The following PCDH15 variants were observed in gnomAD, a reference collection of about 807,000 sequenced individuals.
The protein encoded by PCDH15 is protocadherin related 15, also known as protocadherin-15.
A neutral mutation model predicts 178.5 loss-of-function variants in PCDH15; 129 were observed. That is an observed-to-expected ratio of 0.72 (90% CI 0.63 to 0.84). PCDH15 has a LOEUF of 0.84. Ranked by LOEUF, PCDH15 falls within the 40% of genes least tolerant of loss-of-function variation. PCDH15 has a pLI of 0.00. For synonymous variants in PCDH15, 800 were observed against 732.0 expected (o/e 1.09, Z -1.50); for missense variants, 2,230 against 2,099.9 (o/e 1.06, Z -1.21).
chr10:54,177,619 T>A (rs181309786), intron 13 of PCDH15, among the ~76,000 whole-genome samples: 167 of 152,172 alleles, frequency 1.1e-3, no homozygotes, highest in Non-Finnish European at 1.8e-3. Flanking sequence ...GATGAAATGA[T>A]GATCTACAAA....
chr10:54,432,527 T>G (rs1957086686), intron 3 of PCDH15, among the ~76,000 whole-genome samples: 1 of 152,142 alleles, frequency 6.6e-6, no homozygotes, highest in South Asian at 2.1e-4. Context: ...GATATCCATA[T>G]GCAGAAGAAT....
At chr10:54,611,091 C>T (rs1340430677) in intron 2 of PCDH15, among the ~76,000 whole-genome samples, 2 of 151,540 alleles carry the variant, frequency 1.3e-5, no homozygotes, top group Non-Finnish European at 3.0e-5. Flanking sequence ...CCACAAAACT[C>T]AAAAGGAAAT....
rs764465670 is a variant in PCDH15 at position 54,164,294 on chromosome 10, ATC to A, written c.1591-11003_1591-11002del. On this transcript the variant is annotated intron_variant, in intron 13 of 37. Transcript: ENST00000644397. The stretch of plus-strand genomic sequence containing the variant: ...TAAAGTGTATTGTGTTAAATATTTC[ATC>A]TCTCTGCCTCAGCTCTATCGTGTGA... Among the ~76,000 whole-genome samples, 163 of 152,316 alleles carry A rather than the reference ATC, an allele frequency of 1.1e-3. 1 individual carries two copies. The highest frequency in any genetic ancestry group is 1.6e-3 in the Admixed American group (25 of 15,282).
chr10:53,865,899 T>C (rs2133146188), intron 27 of PCDH15, among the ~76,000 whole-genome samples: 1 of 152,312 alleles, frequency 6.6e-6, no homozygotes, highest in East Asian at 1.9e-4. Flanking sequence ...CTAATGAATA[T>C]ACTTTGTATT....
intron 6 of PCDH15, among the ~76,000 whole-genome samples, chr10:54,334,392 G>T (rs1197495660): frequency 1.3e-5 from 2 of 152,122 alleles, no homozygotes; most frequent in Non-Finnish European, 2.9e-5. Flanking sequence ...TTCCCAAGAT[G>T]ATTCCATCCC....
intron 2 of PCDH15, among the ~76,000 whole-genome samples, chr10:55,156,952 G>C (rs1467629890): frequency 6.6e-6 from 1 of 152,132 alleles, no homozygotes; most frequent in Non-Finnish European, 1.5e-5. Flanking sequence ...CTGACAGACA[G>C]TAATATCGCT....
At chr10:53,954,495 C>A (rs1291390754) in intron 23 of PCDH15, among the ~76,000 whole-genome samples, 3 of 152,160 alleles carry the variant, frequency 2.0e-5, no homozygotes, top group Non-Finnish European at 4.4e-5. Flanking sequence ...AACTCTGAAC[C>A]ATTTTTGATC....
intron 8 of PCDH15, among the ~76,000 whole-genome samples, chr10:54,312,933 T>TA (rs953187806): frequency 1.3e-5 from 2 of 151,950 alleles, no homozygotes; most frequent in Non-Finnish European, 2.9e-5. Flanking sequence ...GTACATGAAA[T>TA]AAAAAAATAA....
intron 26 of PCDH15, among the ~76,000 whole-genome samples, chr10:53,892,305 G>T (rs565063111): frequency 3.3e-5 from 5 of 152,024 alleles, no homozygotes; most frequent in Non-Finnish European, 7.4e-5. Context: ...GATTACAGGC[G>T]TGAGCCACTG....
At chr10:54,830,735 A>C (rs1279487022) in intron 3 of PCDH15, among the ~76,000 whole-genome samples, 1 of 151,992 alleles carries the variant, frequency 6.6e-6, no homozygotes, top group Non-Finnish European at 1.5e-5. Context: ...AAAGTATAAT[A>C]ATAATTAAAA....
At chr10:54,804,228 A>G (rs969841324), upstream of PCDH15, among the ~76,000 whole-genome samples, 5 of 151,980 alleles carry the variant, frequency 3.3e-5, no homozygotes, top group African/African-American at 1.2e-4. Context: ...TTTAGTAGAG[A>G]CGGGGTTTCA....
chr10:55,504,741 A>C (rs1052140448), intron 2 of PCDH15, among the ~76,000 whole-genome samples: 1 of 151,382 alleles, frequency 6.6e-6, no homozygotes, highest in Non-Finnish European at 1.5e-5. Flanking sequence ...TTATACTGTT[A>C]TTTTTATATC....
intron 1 of PCDH15, among the ~76,000 whole-genome samples, chr10:55,266,876 A>C (rs2132242085): frequency 6.6e-6 from 1 of 152,294 alleles, no homozygotes; most frequent in African/African-American, 2.4e-5. Context: ...GACTAACACA[A>C]GCCGCCTATA....
At chr10:54,477,459 C>T (rs1481730113) in intron 3 of PCDH15, among the ~76,000 whole-genome samples, 1 of 152,176 alleles carries the variant, frequency 6.6e-6, no homozygotes, top group Non-Finnish European at 1.5e-5. Flanking sequence ...CTCTACGCAT[C>T]TGCGTCCATC....
At chr10:54,438,552 A>G (rs941153056) in intron 3 of PCDH15, among the ~76,000 whole-genome samples, 7 of 152,048 alleles carry the variant, frequency 4.6e-5, no homozygotes, top group Non-Finnish European at 8.8e-5. Flanking sequence ...CTCTTTCCCC[A>G]TCTTGCCATC....
At chr10:53,893,764 G>A (rs1336892828) in intron 26 of PCDH15, among the ~76,000 whole-genome samples, 1 of 152,152 alleles carries the variant, frequency 6.6e-6, no homozygotes, top group African/African-American at 2.4e-5. Flanking sequence ...AAAGGCATAA[G>A]AATAATACAA....
intron 18 of PCDH15, among the ~76,000 whole-genome samples, chr10:54,035,141 TC>T (rs1316772197): frequency 6.6e-6 from 1 of 151,852 alleles, no homozygotes; most frequent in Non-Finnish European, 1.5e-5. Context: ...GTGTAACTGT[TC>T]CACAGGAGCA....
At chr10:55,418,103 A>C (rs1838528415) in intron 2 of PCDH15, among the ~76,000 whole-genome samples, 1 of 151,690 alleles carries the variant, frequency 6.6e-6, no homozygotes, top group Non-Finnish European at 1.5e-5. Context: ...TCATAACAAA[A>C]GGAAATGTAA....
intron 15 of PCDH15, among the ~76,000 whole-genome samples, chr10:54,099,531 T>TATATATATAA (rs998333562): frequency 2.3e-5 from 3 of 129,670 alleles, no homozygotes; most frequent in African/African-American, 8.9e-5. Context: ...TATATATATA[T>TATATATATAA]AAAACAAAAA....
Sources: allele counts gnomAD v4.1 joint callset (sites outside exome capture counted in the v4.1 genomes callset), GRCh38; gene constraint gnomAD v4.1.1; transcripts MANE v1.5; gene names NCBI Gene and HGNC (gene_info 2026-07-23, HGNC 2026-07-21).